Variants in DPP10 observed in about 807,000 individuals in gnomAD.
DPP10 encodes dipeptidyl peptidase like 10.
DPP10 carries 33 observed loss-of-function variants against 120.9 expected under a neutral mutation model. The observed-to-expected ratio is 0.27, with a 90% CI of 0.21 to 0.37. The LOEUF (loss-of-function observed/expected upper bound fraction) is 0.37, where lower values mean the gene tolerates loss of function less well. DPP10 is among the 10% of genes least tolerant of loss of function. The probability of loss-of-function intolerance (pLI) is 1.00; values close to 1 mark genes in which losing one functional copy is unlikely to be tolerated. For synonymous variants in DPP10, 337 were observed against 326.1 expected, an observed-to-expected ratio of 1.03 and a Z score of -0.36; for missense variants, 816 against 942.8, an observed-to-expected ratio of 0.87 and a Z score of 1.76.
intron 1 of DPP10, among the ~76,000 whole-genome samples, chr2:114,764,810 A>G (rs1170187743): frequency 6.6e-6 from 1 of 152,160 alleles, no homozygotes; most frequent in Non-Finnish European, 1.5e-5. Context: ...CTACCTATGC[A>G]TTTAATATTT....
chr2:115,591,921 C>G (rs1463787262), intron 5 of DPP10, among the ~76,000 whole-genome samples: 2 of 152,122 alleles, frequency 1.3e-5, no homozygotes, highest in Non-Finnish European at 2.9e-5. Context: ...CTCTTTGAAG[C>G]AATTGTGAAT....
At chr2:115,344,499 A>C (rs2063613842) in intron 3 of DPP10, among the ~76,000 whole-genome samples, 1 of 152,236 alleles carries the variant, frequency 6.6e-6, no homozygotes, top group East Asian at 1.9e-4. Context: ...TTTAAGCTTA[A>C]GTGTTACAAG....
chr2:115,764,497 T>C (rs1251354086), intron 12 of DPP10, among the ~76,000 whole-genome samples: 1 of 152,056 alleles, frequency 6.6e-6, no homozygotes, highest in East Asian at 1.9e-4. Flanking sequence ...ATAAGAACAA[T>C]GGACAATATA....
At chr2:115,318,931 T>C (rs1185039720) in intron 2 of DPP10, among the ~76,000 whole-genome samples, 1 of 152,170 alleles carries the variant, frequency 6.6e-6, no homozygotes, top group Non-Finnish European at 1.5e-5. Context: ...TTACTCTGGC[T>C]AGAATTTCCA....
intron 3 of DPP10, among the ~76,000 whole-genome samples, chr2:115,363,938 G>T: frequency 6.6e-6 from 1 of 152,140 alleles, no homozygotes; most frequent in East Asian, 1.9e-4. Flanking sequence ...CTCAGGAAAT[G>T]GAGCAGAGAG....
chr2:115,041,945 G>A (rs1401122516), intron 1 of DPP10, among the ~76,000 whole-genome samples: 1 of 149,052 alleles, frequency 6.7e-6, no homozygotes, highest in Non-Finnish European at 1.5e-5. Context: ...TTTTCCAGCT[G>A]TAGAGATGTC....
chr2:115,011,587 C>T (rs1023498819), intron 1 of DPP10, among the ~76,000 whole-genome samples: 1 of 152,080 alleles, frequency 6.6e-6, no homozygotes, highest in Non-Finnish European at 1.5e-5. Context: ...TTGTTTAATG[C>T]TGGCATAGTT....
chr2:114,894,551 AT>A (rs1357117257), intron 1 of DPP10, among the ~76,000 whole-genome samples: 3 of 152,146 alleles, frequency 2.0e-5, no homozygotes, highest in Non-Finnish European at 4.4e-5. Flanking sequence ...TTATTTATTT[AT>A]TTTTGTCTAA....
chr2:115,752,241 G>A (rs775098909), intron 10 of DPP10, among the ~76,000 whole-genome samples: 1 of 152,286 alleles, frequency 6.6e-6, no homozygotes, highest in Non-Finnish European at 1.5e-5. Context: ...TAAAGTAACT[G>A]ATCTGTTCTG....
intron 3 of DPP10, among the ~76,000 whole-genome samples, chr2:115,412,403 C>T (rs925562611): frequency 2.0e-5 from 3 of 152,100 alleles, no homozygotes; most frequent in Admixed American, 1.3e-4. Context: ...ATGGAGAATA[C>T]ATCAATTTTA....
Position 115,344,025 on chromosome 2 carries a change from C to A in DPP10, c.271+113C>A, listed in dbSNP as rs574233097. On this transcript the variant is annotated intron_variant, in intron 3 of 25. Coordinates refer to ENST00000410059, the MANE Select transcript of DPP10 (RefSeq NM_020868.6). ...ATGGCTTATGCCTGTCATCCCAGCA[C>A]CTTGGGAGGCCAAGGCAGGAGAATC... 156 of 719,194 alleles carry A rather than the reference C, an allele frequency of 2.2e-4. 2 individuals carry two copies. In the South Asian group the frequency reaches 4.6e-3, roughly 21 times the overall value. 44.6% of individuals were successfully genotyped at this position (719,194 alleles called of 1,614,324 possible). A position where few individuals can be genotyped will look rare whatever the true frequency, so the allele number is the denominator to read the frequency against.
chr2:114,980,558 C>T (rs1413663357), intron 1 of DPP10, among the ~76,000 whole-genome samples: 1 of 150,662 alleles, frequency 6.6e-6, no homozygotes, highest in Non-Finnish European at 1.5e-5. Context: ...TATCTGTTAC[C>T]TATATGATGT....
intron 1 of DPP10, among the ~76,000 whole-genome samples, chr2:114,532,296 T>TATATATACATACACACACAC (rs1342125338): frequency 1.3e-5 from 1 of 74,760 alleles, no homozygotes; most frequent in African/African-American, 6.6e-5. Context: ...TATATATATA[T>TATATATACATACACACACAC]ACACACACAC....
At position 115,840,876 on chromosome 2, in the gene DPP10, G is replaced by A. The variant is rs377232710; in HGVS notation, c.2256+53G>A. On this transcript the variant is annotated intron_variant, in intron 25 of 25. Transcript: ENST00000410059. ...TTTCCTGCTGTGTTTTTTCACTTGTGAGATACGCAACACAGCTTCTCTATT... is the reference window on the plus strand; with the variant it reads ...TTTCCTGCTGTGTTTTTTCACTTGTAAGATACGCAACACAGCTTCTCTATT... The A allele has an allele frequency of 3.5e-3, 5,066 of 1,459,238 alleles. 208 individuals are homozygous for A. In the South Asian group the frequency reaches 0.056, roughly 16 times the overall value. 90.4% of individuals were successfully genotyped at this position (1,459,238 alleles called of 1,614,324 possible). A position where few individuals can be genotyped will look rare whatever the true frequency, so the allele number is the denominator to read the frequency against.
intron 1 of DPP10, among the ~76,000 whole-genome samples, chr2:114,932,154 G>C (rs1283920464): frequency 6.6e-6 from 1 of 152,202 alleles, no homozygotes; most frequent in African/African-American, 2.4e-5. Flanking sequence ...TAGACCTACT[G>C]AATTAGAAAC....
At chr2:114,752,110 A>G (rs559725767) in intron 1 of DPP10, among the ~76,000 whole-genome samples, 30 of 151,984 alleles carry the variant, frequency 2.0e-4, no homozygotes, top group Admixed American at 1.7e-3. Context: ...TTAGTTCCCA[A>G]ATGATGCCAA....
At chr2:115,792,296 A>C (rs1684075049) in intron 19 of DPP10, among the ~76,000 whole-genome samples, 1 of 152,158 alleles carries the variant, frequency 6.6e-6, no homozygotes, top group South Asian at 2.1e-4. Context: ...AATACAACAT[A>C]TAAAGTCCCT....
At chr2:114,831,795 A>C (rs973045190) in intron 1 of DPP10, among the ~76,000 whole-genome samples, 1 of 150,932 alleles carries the variant, frequency 6.6e-6, no homozygotes, top group South Asian at 2.1e-4. Context: ...AAAGACTAAA[A>C]AAGACTGGTT....
chr2:115,727,660 A>C (rs898149777), intron 7 of DPP10, among the ~76,000 whole-genome samples, 156 bp from the exon 8 acceptor site: 14 of 152,192 alleles, frequency 9.2e-5, no homozygotes, highest in African/African-American at 3.4e-4. Context: ...AGCCATTAAT[A>C]ATTGAAAGCA....
Sources: gnomAD v4.1 joint callset for allele counts (sites outside exome capture counted in the v4.1 genomes callset) on GRCh38, gnomAD v4.1.1 for gene constraint, MANE v1.5 for transcripts, NCBI Gene and HGNC (gene_info 2026-07-23, HGNC 2026-07-21) for gene names.